The following NDUFB1 variants were observed in gnomAD, a reference collection of about 807,000 sequenced individuals.
NDUFB1 encodes NADH:ubiquinone oxidoreductase subunit B1, also known as NADH dehydrogenase [ubiquinone] 1 beta subcomplex subunit 1.
Under a neutral mutation model 6.7 loss-of-function variants are expected in NDUFB1, and 6 were observed. The observed-to-expected ratio is 0.89, with a 90% confidence interval of 0.49 to 1.76. NDUFB1 has a LOEUF of 1.76. Among genes scored for constraint, NDUFB1 ranks in the 40% most tolerant of loss-of-function variants. The probability of loss-of-function intolerance (pLI) is 0.01; values close to 1 mark genes in which losing one functional copy is unlikely to be tolerated. For synonymous variants in NDUFB1, 17 were observed against 22.9 expected (o/e 0.74, Z 0.74); for missense variants, 56 against 71.0 (o/e 0.79, Z 0.76).
chr14:92,120,957 C>T (rs61976561), intron 1 of NDUFB1, among the ~76,000 whole-genome samples: 32,523 of 151,128 alleles, frequency 0.22, 3,850 homozygotes, highest in East Asian at 0.54. Flanking sequence ...ATCAGGAGTT[C>T]GAGACCAGCC....
At chr14:92,119,170 G>C (rs986220093) in intron 1 of NDUFB1, among the ~76,000 whole-genome samples, 5 of 151,862 alleles carry the variant, frequency 3.3e-5, no homozygotes, top group African/African-American at 9.7e-5. Flanking sequence ...AAATTAGCTG[G>C]GTGTGGTAGT....
At chr14:92,121,488 C>T (rs2068763045) in intron 1 of NDUFB1, 154 bp downstream of exon 1, 5 of 1,140,972 alleles carry the variant, frequency 4.4e-6, no homozygotes, top group Non-Finnish European at 6.2e-6. Context: ...GAAGAAAACC[C>T]CATTTTCCTT....
At chr14:92,119,768 CTTT>C (rs35366427) in intron 1 of NDUFB1, among the ~76,000 whole-genome samples, 1 of 145,122 alleles carries the variant, frequency 6.9e-6, no homozygotes, top group African/African-American at 2.5e-5. Context: ...TTATATGAAA[CTTT>C]TTTTTTTTTT....
chr14:92,120,190 T>C (rs773194501), intron 1 of NDUFB1: 5 of 152,136 alleles, frequency 3.3e-5, no homozygotes, highest in Non-Finnish European at 4.4e-5. Flanking sequence ...TAATAAATCA[T>C]GTACAATGAC....
intron 1 of NDUFB1, 80 bp from the exon 2 acceptor site, chr14:92,117,722 G>A: frequency 4.4e-6 from 6 of 1,378,196 alleles, no homozygotes; most frequent in South Asian, 2.5e-5. Context: ...TCTGGGCCAG[G>A]TGCGGTGGTT....
intron 1 of NDUFB1, among the ~76,000 whole-genome samples, chr14:92,120,757 T>C (rs945865693): frequency 5.7e-4 from 86 of 150,108 alleles, no homozygotes; most frequent in African/African-American, 2.0e-3. Flanking sequence ...GGTTTCACTG[T>C]TGGCCGGGCT....
At chr14:92,119,876 C>T (rs2068740784) in intron 1 of NDUFB1, among the ~76,000 whole-genome samples, 1 of 151,910 alleles carries the variant, frequency 6.6e-6, no homozygotes, top group Non-Finnish European at 1.5e-5. Flanking sequence ...ATCTTCCCAC[C>T]TCAATCTTCT....
chr14:92,121,572 G>T, intron 1 of NDUFB1, 70 bp downstream of exon 1: 1 of 1,603,280 alleles, frequency 6.2e-7, no homozygotes. Flanking sequence ...CCGAGGGCTT[G>T]CCTAGAACCC....
At chr14:92,116,724 T>C (rs889125968) in intron 2 of NDUFB1, among the ~76,000 whole-genome samples, 1 of 152,228 alleles carries the variant, frequency 6.6e-6, no homozygotes, top group African/African-American at 2.4e-5. Context: ...ATTTTAACTT[T>C]TACCATATTG....
chr14:92,117,023 T>C (rs900211638), intron 2 of NDUFB1, among the ~76,000 whole-genome samples: 6 of 152,230 alleles, frequency 3.9e-5, no homozygotes, highest in Non-Finnish European at 7.3e-5. Flanking sequence ...GAGCCATCTC[T>C]AGAGGCACAA....
chr14:92,117,798 G>A, intron 1 of NDUFB1, 156 bp from the exon 2 acceptor site: 1 of 709,926 alleles, frequency 1.4e-6, no homozygotes, highest in Non-Finnish European at 2.3e-6. Context: ...AGGAGTTCGA[G>A]ACCAGCCTGG....
chr14:92,121,378 G>T, intron 1 of NDUFB1: 1 of 563,070 alleles, frequency 1.8e-6, no homozygotes, highest in East Asian at 3.1e-5. Context: ...TCCGGTTAGC[G>T]GGCGGTCACT....
intron 2 of NDUFB1, 138 bp from the exon 3 acceptor site, chr14:92,116,367 T>G (rs1291387547): frequency 1.3e-6 from 1 of 761,828 alleles, no homozygotes; most frequent in Non-Finnish European, 2.1e-6. Context: ...GAAGTCTGGC[T>G]TTGTAGCCCA....
intron 1 of NDUFB1, chr14:92,118,659 A>G (rs2068732191): frequency 6.6e-6 from 1 of 152,334 alleles, no homozygotes; most frequent in Admixed American, 6.5e-5. Flanking sequence ...CACTGTAGAT[A>G]TGAATATAAA....
At chr14:92,120,077 A>G (rs971001867) in intron 1 of NDUFB1, among the ~76,000 whole-genome samples, 1 of 122,610 alleles carries the variant, frequency 8.2e-6, no homozygotes, top group Non-Finnish European at 1.7e-5. Context: ...TGTGGAAAAT[A>G]AATTGCACAA....
chr14:92,117,868 C>A, intron 1 of NDUFB1: 1 of 482,146 alleles, frequency 2.1e-6, no homozygotes, highest in Non-Finnish European at 3.8e-6. Context: ...TGTGGTGGTG[C>A]GCGTCTGTTA....
intron 1 of NDUFB1, 154 bp downstream of exon 1, chr14:92,121,488 C>A: frequency 8.8e-7 from 1 of 1,140,970 alleles, no homozygotes. Flanking sequence ...GAAGAAAACC[C>A]CATTTTCCTT....
chr14:92,117,610 C>T lies in NDUFB1; in HGVS notation c.28G>A (p.Asp10Asn), dbSNP rs1302135812. The T allele has an allele frequency of 4.3e-6, 7 of 1,613,858 alleles. No individual in the cohort carries two copies. The African/African-American group carries it at 6.7e-5, about 15-fold the overall frequency. The part of the protein sequence containing the change: MVNLLQIVR[D>N]HWVHVLVPMG... ...GGGACAAGAACATGAACCCAGTGGT[C>T]CCGCACAATCTGAAGTAAGTTCACC... The change falls in exon 2 of 3, where the codon GAC becomes AAC. Residue 10 changes from aspartate (D) to asparagine (N), a missense_variant. Asp to Asn is a conservative substitution (Grantham distance 23). Coordinates refer to ENST00000605997, the MANE Select transcript of NDUFB1 (RefSeq NM_004545.4).
intron 1 of NDUFB1, among the ~76,000 whole-genome samples, chr14:92,119,991 C>G (rs966737738): frequency 6.6e-6 from 1 of 152,040 alleles, no homozygotes. Context: ...AAACTTGTGG[C>G]CCCAAGTTTC....
Sources: gnomAD v4.1 joint callset for allele counts (sites outside exome capture counted in the v4.1 genomes callset) on GRCh38, gnomAD v4.1.1 for gene constraint, MANE v1.5 for transcripts, NCBI Gene and HGNC (gene_info 2026-07-23, HGNC 2026-07-21) for gene names.